The following TRAF2 variants were observed in gnomAD, a reference collection of about 807,000 sequenced individuals.
TRAF2 encodes the protein TNF receptor associated factor 2.
Under a neutral mutation model 55.6 loss-of-function variants are expected in TRAF2, and 6 were observed. The observed-to-expected ratio is 0.11, with a 90% CI of 0.06 to 0.21. The LOEUF is 0.21. Among genes scored for constraint, TRAF2 ranks in the 10% least tolerant of loss-of-function variants. The pLI is 1.00. For synonymous variants in TRAF2, 329 were observed against 276.3 expected (o/e 1.19, Z -1.89); for missense variants, 561 against 684.5 (o/e 0.82, Z 2.01).
chr9:136,914,915 C>G (rs1006123828), intron 6 of TRAF2, among the ~76,000 whole-genome samples: 1 of 152,020 alleles, frequency 6.6e-6, no homozygotes, highest in Non-Finnish European at 1.5e-5. Context: ...TGCGGTGGCT[C>G]ATGCCTGTTA....
At chr9:136,924,026 T>A (rs557737807) in intron 10 of TRAF2, 26 bp downstream of exon 10, 1 of 1,609,324 alleles carries the variant, frequency 6.2e-7, no homozygotes, top group South Asian at 1.1e-5. Flanking sequence ...CAGGCTTCGC[T>A]AGGGCCGCAC....
chr9:136,887,366 T>C (rs527568446), intron 1 of TRAF2, among the ~76,000 whole-genome samples: 4 of 152,240 alleles, frequency 2.6e-5, no homozygotes, highest in African/African-American at 9.6e-5. Context: ...CCATGGCCTC[T>C]CGGGAGGCGG....
upstream of TRAF2, chr9:136,886,233 C>G (rs1588412519): frequency 4.5e-6 from 1 of 221,174 alleles, no homozygotes; most frequent in East Asian, 1.8e-4. Context: ...GCTCCCCGCA[C>G]CAACGCCCCG....
At chr9:136,925,023 C>T (rs1738825889) in intron 10 of TRAF2, among the ~76,000 whole-genome samples, 1 of 152,224 alleles carries the variant, frequency 6.6e-6, no homozygotes, top group South Asian at 2.1e-4. Context: ...AGGCGTGAGC[C>T]ACTGTGCCTG....
chr9:136,909,184 C>CA (rs1393091273), intron 5 of TRAF2, among the ~76,000 whole-genome samples: 1 of 97,782 alleles, frequency 1.0e-5, no homozygotes, highest in Non-Finnish European at 2.2e-5. Context: ...GCTTTGCTCT[C>CA]AAGACAGTTG....
chr9:136,923,716 A>C lies in TRAF2; in HGVS notation c.1139-136A>C, dbSNP rs963387445. On this transcript the variant is annotated intron_variant, in intron 9 of 10. Transcript: ENST00000247668. ...AACTGCATAGTTTGAGGGAAAAAAA[A>C]CTTTTCTTTGCACCCCAGAACCTGA... 10 of 682,390 alleles carry C rather than the reference A, an allele frequency of 1.5e-5. No individual in the cohort carries two copies. The African/African-American group carries it at 3.2e-4, about 22-fold the overall frequency. The allele number at this position is 682,390 out of a possible 1,614,324, so 42.3% of individuals were successfully genotyped here.
intron 1 of TRAF2, among the ~76,000 whole-genome samples, chr9:136,887,815 T>C (rs1849488057): frequency 6.6e-6 from 1 of 152,190 alleles, no homozygotes; most frequent in African/African-American, 2.4e-5. Context: ...TTATCAAGCT[T>C]CTATTTGGTA....
intron 4 of TRAF2, among the ~76,000 whole-genome samples, chr9:136,906,195 ATG>A (rs1452202081): frequency 1.3e-5 from 2 of 152,170 alleles, no homozygotes; most frequent in East Asian, 1.9e-4. Context: ...AGTCCCAGCT[ATG>A]TGGGTGCTGA....
At chr9:136,897,403 G>T (rs1849704181) in intron 1 of TRAF2, among the ~76,000 whole-genome samples, 1 of 152,234 alleles carries the variant, frequency 6.6e-6, no homozygotes, top group Non-Finnish European at 1.5e-5. Flanking sequence ...GCCAGGGCAG[G>T]GCTGGCACAT....
chr9:136,915,841 T>C (rs1285942061), intron 6 of TRAF2, among the ~76,000 whole-genome samples: 1 of 152,210 alleles, frequency 6.6e-6, no homozygotes, highest in Non-Finnish European at 1.5e-5. Flanking sequence ...TGTGACTGTT[T>C]CTGGAAACTG....
upstream of TRAF2, chr9:136,882,092 G>A (rs111585030): frequency 3.1e-5 from 30 of 966,678 alleles, no homozygotes; most frequent in African/African-American, 1.2e-4. Flanking sequence ...TCATGGTCCC[G>A]TGGGGGGCCC....
intron 9 of TRAF2, among the ~76,000 whole-genome samples, chr9:136,922,979 C>T (rs562749251): frequency 1.7e-4 from 26 of 151,598 alleles, no homozygotes; most frequent in East Asian, 5.9e-4. Flanking sequence ...AGGACGAGGA[C>T]GGAAGGGTGG....
At chr9:136,896,608 G>A (rs1361158466) in intron 1 of TRAF2, among the ~76,000 whole-genome samples, 2 of 151,964 alleles carry the variant, frequency 1.3e-5, no homozygotes, top group African/African-American at 2.4e-5. Context: ...TACCCAAACC[G>A]CTTATAAGGT....
At chr9:136,909,641 G>C (rs112159865) in intron 5 of TRAF2, among the ~76,000 whole-genome samples, 24 of 152,310 alleles carry the variant, frequency 1.6e-4, no homozygotes, top group African/African-American at 5.5e-4. Context: ...CATCTTCACC[G>C]GGGCCGTTGT....
In TRAF2 at chr9:136,898,615, G is replaced by A; in HGVS notation, c.-28-98G>A. 2.0e-6 allele frequency: 3 copies of A among 1,520,412 alleles called. No individual in the cohort carries two copies. In the East Asian group the frequency reaches 7.1e-5, roughly 36 times the overall value. The allele number at this position is 1,520,412 out of a possible 1,614,324, so 94.2% of individuals were successfully genotyped here. A position where few individuals can be genotyped will look rare whatever the true frequency, so the allele number is the denominator to read the frequency against. ...TTGACCGCAGGTCAGTGGGGACCCG[G>A]CCCCTCACCATCGCCTGCTACTGAT... is the stretch of plus-strand genomic sequence containing the variant. On this transcript the variant is annotated intron_variant, in intron 1 of 10. Coordinates refer to ENST00000247668, the MANE Select transcript of TRAF2 (RefSeq NM_021138.4).
chr9:136,913,591 C>T (rs1363847943), intron 6 of TRAF2, among the ~76,000 whole-genome samples: 1 of 152,044 alleles, frequency 6.6e-6, no homozygotes, highest in East Asian at 1.9e-4. Flanking sequence ...GCCACCGTGC[C>T]CGGCTACATA....
intron 6 of TRAF2, among the ~76,000 whole-genome samples, chr9:136,913,613 G>C (rs1564416988): frequency 6.6e-6 from 1 of 152,070 alleles, no homozygotes; most frequent in Non-Finnish European, 1.5e-5. Flanking sequence ...TATGTTCTGA[G>C]GTGAACTGGA....
chr9:136,924,039 G>T, intron 10 of TRAF2, 39 bp downstream of exon 10: 1 of 1,605,844 alleles, frequency 6.2e-7, no homozygotes. Flanking sequence ...GGCCGCACCT[G>T]GGAGTCCCTC....
chr9:136,884,207 C>G (rs1368795163), upstream of TRAF2, among the ~76,000 whole-genome samples: 4 of 151,842 alleles, frequency 2.6e-5, no homozygotes, highest in Admixed American at 2.6e-4. Flanking sequence ...CTAGGCCTCC[C>G]AAAGTGCTGG....
Sources: gnomAD v4.1 joint callset for allele counts (sites outside exome capture counted in the v4.1 genomes callset) on GRCh38, gnomAD v4.1.1 for gene constraint, MANE v1.5 for transcripts, NCBI Gene and HGNC (gene_info 2026-07-23, HGNC 2026-07-21) for gene names.